The following ENTREP2 variants were observed in gnomAD, a reference collection of about 807,000 sequenced individuals.
The protein encoded by ENTREP2 is endosomal transmembrane epsin interactor 2, also known as protein ENTREP2.
At chr15:29,547,045 C>T in the ENTREP2 span, among the ~76,000 whole-genome samples, 98 of 150,964 alleles carry the variant, frequency 6.5e-4, no homozygotes, top group African/African-American at 2.3e-3. Context: ...AGGAATTCTG[C>T]AAAGAAAGAA....
chr15:29,624,953 C>G, the ENTREP2 span, among the ~76,000 whole-genome samples: 3 of 150,210 alleles, frequency 2.0e-5, no homozygotes, highest in Admixed American at 1.3e-4. Flanking sequence ...TATGTAATGT[C>G]AGGATCAGGA....
the ENTREP2 span, among the ~76,000 whole-genome samples, chr15:29,492,492 C>A: frequency 1.3e-5 from 2 of 152,110 alleles, no homozygotes; most frequent in African/African-American, 4.8e-5. Flanking sequence ...ATCAGATTGA[C>A]AAATTGTGTT....
the ENTREP2 span, among the ~76,000 whole-genome samples, chr15:29,650,722 C>T: frequency 1.3e-5 from 2 of 152,246 alleles, no homozygotes; most frequent in East Asian, 1.9e-4. Flanking sequence ...CCCAGCTACT[C>T]GGGAGCTTTT....
the ENTREP2 span, among the ~76,000 whole-genome samples, chr15:29,154,983 G>A: frequency 2.0e-5 from 3 of 152,224 alleles, no homozygotes; most frequent in African/African-American, 7.2e-5. Context: ...CTGAACTTAA[G>A]AAGCGTTAGG....
the ENTREP2 span, among the ~76,000 whole-genome samples, chr15:29,514,496 G>T: frequency 6.6e-6 from 1 of 152,252 alleles, no homozygotes; most frequent in African/African-American, 2.4e-5. Context: ...TTTGGCTATT[G>T]TAAACAAGGC....
the ENTREP2 span, among the ~76,000 whole-genome samples, chr15:29,344,767 G>A: frequency 2.0e-5 from 3 of 151,988 alleles, no homozygotes; most frequent in Non-Finnish European, 4.4e-5. Context: ...ACAGTGCAGC[G>A]TCCACAGAGA....
chr15:29,367,533 T>A, the ENTREP2 span, among the ~76,000 whole-genome samples: 1 of 152,100 alleles, frequency 6.6e-6, no homozygotes, highest in African/African-American at 2.4e-5. Context: ...TTAAAAAAAA[T>A]CCTGGGGAAT....
the ENTREP2 span, among the ~76,000 whole-genome samples, chr15:29,632,587 G>A: frequency 6.6e-6 from 1 of 152,148 alleles, no homozygotes; most frequent in African/African-American, 2.4e-5. Context: ...TTCAAGACCA[G>A]CCTGGTCAAC....
chr15:29,205,098 AT>A, the ENTREP2 span, among the ~76,000 whole-genome samples: 1 of 152,092 alleles, frequency 6.6e-6, no homozygotes, highest in African/African-American at 2.4e-5. Context: ...TGGCTGGCCT[AT>A]TTCACTCAGC....
chr15:29,464,163 T>C, the ENTREP2 span, among the ~76,000 whole-genome samples: 1 of 152,090 alleles, frequency 6.6e-6, no homozygotes, highest in African/African-American at 2.4e-5. Flanking sequence ...TTACTGCCAC[T>C]GAACCGTACT....
the ENTREP2 span, among the ~76,000 whole-genome samples, chr15:29,644,403 A>G: frequency 6.6e-6 from 1 of 152,242 alleles, no homozygotes; most frequent in Non-Finnish European, 1.5e-5. Flanking sequence ...ACATGGGCAG[A>G]TTGCCAGTAT....
the ENTREP2 span, among the ~76,000 whole-genome samples, chr15:29,456,343 C>G: frequency 6.6e-6 from 1 of 152,156 alleles, no homozygotes; most frequent in Non-Finnish European, 1.5e-5. Flanking sequence ...AATCTGACTG[C>G]ATGGAAGAGG....
the ENTREP2 span, chr15:29,269,483 G>A: frequency 8.1e-6 from 13 of 1,610,656 alleles, no homozygotes; most frequent in South Asian, 1.1e-5. Flanking sequence ...CCCACGGCGG[G>A]GGCGGCCTGG....
At chr15:29,257,545 G>A in the ENTREP2 span, among the ~76,000 whole-genome samples, 10 of 152,228 alleles carry the variant, frequency 6.6e-5, no homozygotes, top group Non-Finnish European at 1.0e-4. Flanking sequence ...CTGGATCAAC[G>A]GATAAATGTT....
chr15:29,563,485 G>C, the ENTREP2 span, among the ~76,000 whole-genome samples: 73 of 151,946 alleles, frequency 4.8e-4, no homozygotes, highest in African/African-American at 1.8e-3. Context: ...ACATCTCTCT[G>C]TTCTCCTTTC....
At chr15:29,151,587 G>T in the ENTREP2 span, 2 of 628,122 alleles carry the variant, frequency 3.2e-6, no homozygotes, top group South Asian at 3.7e-5. Context: ...GCAGATGCTT[G>T]GTCTTCCAGA....
chr15:29,394,210 C>A, the ENTREP2 span, among the ~76,000 whole-genome samples: 1 of 152,228 alleles, frequency 6.6e-6, no homozygotes, highest in South Asian at 2.1e-4. Context: ...ATGTTAATTT[C>A]TCTATATTCA....
the ENTREP2 span, among the ~76,000 whole-genome samples, chr15:29,623,939 G>C: frequency 6.6e-6 from 1 of 152,066 alleles, no homozygotes; most frequent in Admixed American, 6.5e-5. Flanking sequence ...TCATCATGTT[G>C]GTTGGTCAGG....
At chr15:29,344,734 A>G in the ENTREP2 span, among the ~76,000 whole-genome samples, 1 of 152,136 alleles carries the variant, frequency 6.6e-6, no homozygotes, top group African/African-American at 2.4e-5. Flanking sequence ...GTCCTGGGAC[A>G]GACAGCGTGT....
Sources: gnomAD v4.1 joint callset for allele counts (sites outside exome capture counted in the v4.1 genomes callset) on GRCh38, gnomAD v4.1.1 for gene constraint, MANE v1.5 for transcripts, NCBI Gene and HGNC (gene_info 2026-07-23, HGNC 2026-07-21) for gene names.